Variants in PRR14L observed in about 807,000 individuals in gnomAD.
The protein encoded by PRR14L is proline rich 14 like.
Under a neutral mutation model 155.0 loss-of-function variants are expected in PRR14L, and 80 were observed. The observed-to-expected ratio is 0.52, with a 90% confidence interval of 0.43 to 0.62. The LOEUF is 0.62. PRR14L is among the 20% of genes least tolerant of loss of function. The probability of loss-of-function intolerance (pLI) is 0.00; values close to 1 mark genes in which losing one functional copy is unlikely to be tolerated. For missense variants in PRR14L, 2,469 were observed against 2,548.0 expected (o/e 0.97, Z 0.67); for synonymous variants, 883 against 916.0 (o/e 0.96, Z 0.65).
chr22:31,749,202 A>G (rs1371032566), intron 1 of PRR14L, among the ~76,000 whole-genome samples: 1 of 152,204 alleles, frequency 6.6e-6, no homozygotes, highest in Non-Finnish European at 1.5e-5. Flanking sequence ...AGTTAAACAA[A>G]TAGTCAAGGT....
intron 7 of PRR14L, among the ~76,000 whole-genome samples, chr22:31,689,731 G>A (rs928467910): frequency 4.6e-5 from 7 of 151,294 alleles, no homozygotes; most frequent in Admixed American, 2.0e-4. Context: ...CACCACAGCC[G>A]GCTTATTTTT....
At position 31,703,718 on chromosome 22, in the gene PRR14L, C is replaced by T. The variant is rs1221986354; in HGVS notation, c.5832G>A (p.Leu1944=). ...GTACCAAGGCAGGGAATGGAGGCTC[C>T]AGCCTAGCACCATGAAGAGAAAGAA... ...TYNTSGSQTR[L]EPPFPALVPK... The change falls in exon 6 of 9, where the codon CTG becomes CTA. Residue 1944 remains leucine (L), a synonymous_variant. Coordinates refer to ENST00000327423, the MANE Select transcript of PRR14L (RefSeq NM_173566.3). 5.9e-6 allele frequency: 9 copies of T among 1,536,584 alleles called. No individual in the cohort carries two copies. The highest frequency in any genetic ancestry group is 2.0e-5 in the Admixed American group (1 of 49,952).
intron 7 of PRR14L, among the ~76,000 whole-genome samples, chr22:31,693,976 AC>A (rs1380647427): frequency 6.6e-6 from 1 of 152,142 alleles, no homozygotes; most frequent in Non-Finnish European, 1.5e-5. Context: ...TATTTCTTTA[AC>A]ATATAAAACA....
rs1475543358 is a variant in PRR14L at position 31,703,578 on chromosome 22, G to A, written c.5972C>T (p.Pro1991Leu). Residue 1991 changes from proline (P) to leucine (L), a missense_variant, in exon 6 of 9, where the codon CCA becomes CTA. Physicochemically the swap from Pro to Leu is moderately conservative, Grantham distance 98 (BLOSUM62 -3). Around this residue, in one of 2 missense-constraint regions of PRR14L, gnomAD observed 2,363 missense variants for 2,371.6 expected, o/e 1.00. Coordinates refer to ENST00000327423, the MANE Select transcript of PRR14L (RefSeq NM_173566.3). The part of the protein sequence containing the change: ...LDGVKAACPC[P>L]QSSPPEQKEA... The stretch of plus-strand genomic sequence containing the variant: ...TTTCTGTTCTGGGGGGCTGCTCTGT[G>A]GGCAGGGGCATGCTGCTTTCACACC... The A allele has an allele frequency of 6.2e-7, 1 of 1,613,670 alleles. No individual in the cohort carries two copies. The highest frequency in any genetic ancestry group is 1.3e-5 in the African/African-American group (1 of 74,848).
intron 8 of PRR14L, among the ~76,000 whole-genome samples, chr22:31,686,265 ATTTTTT>A (rs1016161380): frequency 7.3e-6 from 1 of 136,366 alleles, no homozygotes; most frequent in Admixed American, 7.4e-5. Context: ...CGCCCGGCTA[ATTTTTT>A]TTTTTTTTTT....
intron 8 of PRR14L, 111 bp downstream of exon 8, chr22:31,688,045 G>T: frequency 6.3e-4 from 441 of 700,240 alleles, no homozygotes; most frequent in Middle Eastern, 9.7e-4. Context: ...AAAAAAAAAA[G>T]ACCCAATATT....
At chr22:31,718,734 A>AT (rs1052931918) in intron 3 of PRR14L, among the ~76,000 whole-genome samples, 4 of 148,264 alleles carry the variant, frequency 2.7e-5, no homozygotes, top group Non-Finnish European at 2.9e-5. Context: ...ATATATATAT[A>AT]AAAAACAGGA....
At chr22:31,726,562 T>C (rs1341381293) in intron 2 of PRR14L, among the ~76,000 whole-genome samples, 1 of 152,148 alleles carries the variant, frequency 6.6e-6, no homozygotes, top group African/African-American at 2.4e-5. Flanking sequence ...ACACCGCGCC[T>C]GGCCAAGAAA....
At chr22:31,726,905 T>G (rs1474133545) in intron 2 of PRR14L, among the ~76,000 whole-genome samples, 1 of 151,332 alleles carries the variant, frequency 6.6e-6, no homozygotes, top group Non-Finnish European at 1.5e-5. Flanking sequence ...CTGTTATCCA[T>G]CCCGTTCTGT....
At chr22:31,748,649 G>C (rs749882431) in intron 1 of PRR14L, among the ~76,000 whole-genome samples, 40 of 152,176 alleles carry the variant, frequency 2.6e-4, no homozygotes, top group Admixed American at 1.5e-3. Context: ...GCCCACTTGG[G>C]GGGGTGGGAA....
At chr22:31,734,811 G>A (rs2074769725) in intron 2 of PRR14L, among the ~76,000 whole-genome samples, 1 of 152,172 alleles carries the variant, frequency 6.6e-6, no homozygotes, top group Non-Finnish European at 1.5e-5. Context: ...GACAACAACA[G>A]GAAAGTATAA....
chr22:31,711,773 A>C (rs2074623704), intron 4 of PRR14L, among the ~76,000 whole-genome samples: 1 of 141,866 alleles, frequency 7.0e-6, no homozygotes, highest in East Asian at 2.0e-4. Context: ...AAGAAGAGTT[A>C]ATCAAAAAAA....
rs1417776094 is a variant in PRR14L, at chr22:31,715,955, T to G, written c.1884A>C (p.Ile628=). 6.4e-7 allele frequency: 1 copy of G among 1,551,770 alleles called. No homozygotes were observed. ...AAGAAAGTTCATTCATCTCACAGGCTATGCTCTGTTCATCTAAAAGTGGAA... is the reference window on the plus strand; with the variant it reads ...AAGAAAGTTCATTCATCTCACAGGCGATGCTCTGTTCATCTAAAAGTGGAA... The part of the protein sequence containing the change: ...DDIPLLDEQS[I]ACEMNELSCT... The change falls in exon 4 of 9, where the codon ATA becomes ATC. Residue 628 remains isoleucine (I), a synonymous_variant. Transcript: ENST00000327423.
At chr22:31,696,126 AT>A (rs2074533898) in intron 7 of PRR14L, among the ~76,000 whole-genome samples, 1 of 149,154 alleles carries the variant, frequency 6.7e-6, no homozygotes, top group Non-Finnish European at 1.5e-5. Context: ...TTTAATTTCT[AT>A]TTTTTCTTTA....
chr22:31,693,449 T>C (rs1244068128), intron 7 of PRR14L, among the ~76,000 whole-genome samples: 1 of 152,240 alleles, frequency 6.6e-6, no homozygotes, highest in African/African-American at 2.4e-5. Context: ...TATTCCATTG[T>C]CCAGACAGTT....
At chr22:31,693,852 T>G (rs2074522510) in intron 7 of PRR14L, among the ~76,000 whole-genome samples, 1 of 152,234 alleles carries the variant, frequency 6.6e-6, no homozygotes, top group Non-Finnish European at 1.5e-5. Flanking sequence ...TATTAAAGTT[T>G]TATTTTGATT....
intron 2 of PRR14L, among the ~76,000 whole-genome samples, chr22:31,730,616 T>C (rs968647677): frequency 6.6e-6 from 1 of 152,200 alleles, no homozygotes; most frequent in Admixed American, 6.5e-5. Flanking sequence ...GTTTCTCCAT[T>C]GTGAAGTTAC....
rs1438894005 is a variant in PRR14L, at chr22:31,703,550, C to T, written c.6000G>A (p.Glu2000=). ...GACCCAACCAGCACTTTACACTTAC[C>T]TCTTTCTGTTCTGGGGGGCTGCTCT... ...CPQSSPPEQK[E]AEPEKRPKKV... Residue 2000 remains glutamate, a splice_region_variant and synonymous_variant, in exon 6 of 9, where the codon GAG becomes GAA. Transcript: ENST00000327423. 1 of 1,612,418 alleles carries T rather than the reference C, an allele frequency of 6.2e-7. No homozygotes were observed. Among genetic ancestry groups the T allele is most frequent in the Admixed American group, 1.7e-5 (1 of 59,798 alleles).
Position 31,701,690 on chromosome 22 carries a change from T to G in PRR14L, c.6073A>C (p.Asn2025His). 6.2e-7 allele frequency: 1 copy of G among 1,613,988 alleles called. No homozygotes were observed. The change falls in exon 7 of 9, where the codon AAT becomes CAT. Residue 2025 changes from asparagine to histidine, a missense_variant. Transcript: ENST00000327423. ...CGAGGAAGGCCCATGGGGGTAAGAT[T>G]AGGATCTGGCCTAGGAATGGTTTTC... ...IRKTIPRPDP[N>H]LTPMGLPRPK... is the part of the protein sequence containing the mutation.
Sources: allele counts gnomAD v4.1 joint callset (sites outside exome capture counted in the v4.1 genomes callset), GRCh38; gene constraint gnomAD v4.1.1; regional missense constraint gnomAD v4.1.1; transcripts MANE v1.5; gene names NCBI Gene and HGNC (gene_info 2026-07-23, HGNC 2026-07-21).